The following ZNF469 variants were observed in gnomAD, a reference collection of about 807,000 sequenced individuals.
ZNF469 encodes zinc finger protein 469.
A neutral mutation model predicts 1.0 loss-of-function variants in ZNF469; 1 was observed. That is an observed-to-expected ratio of 1.00 (90% CI 0.35 to 4.73). The LOEUF (loss-of-function observed/expected upper bound fraction) is 4.73, where lower values mean the gene tolerates loss of function less well. ZNF469 is among the 30% of genes most tolerant of loss of function. The pLI is 0.16. For synonymous variants in ZNF469, 2,703 were observed against 2,363.4 expected (o/e 1.14, Z -4.17); for missense variants, 6,100 against 5,356.3 (o/e 1.14, Z -4.33).
At chr16:88,380,452 G>C (rs1313105843), upstream of ZNF469, among the ~76,000 whole-genome samples, 9 of 102,812 alleles carry the variant, frequency 8.8e-5, no homozygotes, top group African/African-American at 2.9e-4. Context: ...GTCACACACA[G>C]ACATGCACAC....
chr16:88,422,160 G>A lies in ZNF469; in HGVS notation c.-191-2647G>A, dbSNP rs543447143. On this transcript the variant is annotated intron_variant, in intron 1 of 2. Coordinates refer to ENST00000565624, the MANE Select transcript of ZNF469 (RefSeq NM_001367624.2). ...GATGGGTGAACGGGTGGGTGGATGG[G>A]CAGGTGGATGGGCAGGAGGATGGGG... 1.1e-3 allele frequency among the ~76,000 whole-genome samples: 158 copies of A among 148,908 alleles called. 2 individuals are homozygous for A. The highest frequency in any genetic ancestry group is 3.8e-3 in the African/African-American group (155 of 40,372).
chr16:88,409,321 C>T (rs1021116074), intron 1 of ZNF469, among the ~76,000 whole-genome samples: 4 of 152,340 alleles, frequency 2.6e-5, no homozygotes, highest in South Asian at 4.1e-4. Context: ...ATCCTTCCCT[C>T]GGAGACACTT....
At chr16:88,215,187 A>G in the ZNF469 span, among the ~76,000 whole-genome samples, 6 of 152,056 alleles carry the variant, frequency 3.9e-5, no homozygotes, top group African/African-American at 1.4e-4. Flanking sequence ...GGAGTAGTCT[A>G]TTTGCCTTTA....
the ZNF469 span, among the ~76,000 whole-genome samples, chr16:88,114,199 C>A: frequency 6.8e-6 from 1 of 147,628 alleles, no homozygotes; most frequent in Admixed American, 6.7e-5. Flanking sequence ...AGGGACCATA[C>A]TCACTCACTG....
rs190890714 is a variant in ZNF469 at position 88,425,460 on chromosome 16, T to C, written c.-127+589T>C. ...GCTAAGCCCAGTGCAGGGCAGGAGA[T>C]GTGCAGGGCAGGAGATGTGCAGGGC... On this transcript the variant is annotated intron_variant, in intron 2 of 2. Transcript: ENST00000565624. 2.6e-3 allele frequency among the ~76,000 whole-genome samples: 343 copies of C among 134,132 alleles called. 2 individuals carry two copies. Among genetic ancestry groups the C allele is most frequent in the African/African-American group, 0.011 (325 of 30,294 alleles). The allele number at this position is 134,132 out of a possible 152,430, so 88.0% of individuals were successfully genotyped here.
the ZNF469 span, among the ~76,000 whole-genome samples, chr16:88,111,529 C>T: frequency 6.6e-6 from 1 of 152,216 alleles, no homozygotes; most frequent in Non-Finnish European, 1.5e-5. Flanking sequence ...ACATCCCCCC[C>T]ACTTCCCTTC....
In ZNF469 at chr16:88,439,079, C is replaced by G; in HGVS notation, c.11609C>G (p.Pro3870Arg). The change falls in exon 3 of 3, where the codon CCC becomes CGC. Residue 3870 changes from proline to arginine, a missense_variant. Transcript: ENST00000565624. Reference sequence around the variant, plus strand: ...CCCAAGCCCAACAGCCAGAACAAACCCAGGCCGCCACCATCAGAGCAGCGG... The same window carrying G: ...CCCAAGCCCAACAGCCAGAACAAACGCAGGCCGCCACCATCAGAGCAGCGG... ...TKPKPNSQNK[P>R]RPPPSEQRKA... 6.4e-7 allele frequency: 1 copy of G among 1,550,860 alleles called. No individual in the cohort carries two copies. The highest frequency in any genetic ancestry group is 8.7e-7 in the Non-Finnish European group (1 of 1,146,976).
At chr16:88,423,585 C>A (rs1462000778) in intron 1 of ZNF469, among the ~76,000 whole-genome samples, 1 of 152,196 alleles carries the variant, frequency 6.6e-6, no homozygotes, top group African/African-American at 2.4e-5. Flanking sequence ...AGGATGCAGG[C>A]ACAGCCTAGC....
At chr16:88,404,139 T>TA (rs1366147777) in intron 1 of ZNF469, among the ~76,000 whole-genome samples, 1 of 152,118 alleles carries the variant, frequency 6.6e-6, no homozygotes, top group African/African-American at 2.4e-5. Context: ...TGGACCTTTT[T>TA]AAACATATAC....
chr16:88,146,811 C>A, the ZNF469 span, among the ~76,000 whole-genome samples: 1 of 152,014 alleles, frequency 6.6e-6, no homozygotes, highest in African/African-American at 2.4e-5. Flanking sequence ...CACGGGGCTT[C>A]CAGGATGGAA....
chr16:88,354,130 A>C, the ZNF469 span, among the ~76,000 whole-genome samples: 1 of 152,348 alleles, frequency 6.6e-6, no homozygotes, highest in African/African-American at 2.4e-5. Context: ...CTGTGGACTC[A>C]GTGGCTAGGT....
the ZNF469 span, among the ~76,000 whole-genome samples, chr16:88,255,477 T>C: frequency 6.6e-6 from 1 of 152,230 alleles, no homozygotes; most frequent in African/African-American, 2.4e-5. Flanking sequence ...CACAGCAACA[T>C]TGAGCAGAAG....
At chr16:88,217,767 G>A in the ZNF469 span, among the ~76,000 whole-genome samples, 2 of 94,522 alleles carry the variant, frequency 2.1e-5, no homozygotes, top group East Asian at 3.0e-4. Flanking sequence ...CAAAGGACAT[G>A]AACTCATCAT....
the ZNF469 span, among the ~76,000 whole-genome samples, chr16:88,246,439 A>T: frequency 6.6e-6 from 1 of 152,136 alleles, no homozygotes; most frequent in African/African-American, 2.4e-5. Flanking sequence ...GGATTCCCAG[A>T]TGAGGGGAGA....
intron 1 of ZNF469, among the ~76,000 whole-genome samples, chr16:88,397,798 A>T (rs1904734483): frequency 6.6e-6 from 1 of 152,078 alleles, no homozygotes; most frequent in Admixed American, 6.6e-5. Context: ...AATGTTGGAA[A>T]TCCCCTCCCT....
the ZNF469 span, among the ~76,000 whole-genome samples, chr16:88,245,035 C>A: frequency 6.6e-6 from 1 of 151,996 alleles, no homozygotes; most frequent in Non-Finnish European, 1.5e-5. Flanking sequence ...CACTCCTGAG[C>A]AGCAGGACAC....
At chr16:88,361,520 A>G in the ZNF469 span, among the ~76,000 whole-genome samples, 4 of 151,968 alleles carry the variant, frequency 2.6e-5, no homozygotes, top group Non-Finnish European at 5.9e-5. Flanking sequence ...CCATTTGGAT[A>G]TCTTCCTTTG....
the ZNF469 span, chr16:88,195,125 G>A: frequency 1.3e-5 from 2 of 152,204 alleles, no homozygotes; most frequent in African/African-American, 4.8e-5. Context: ...CGGCTCTCTG[G>A]TCGCAAGCCG....
chr16:88,361,708 T>C, the ZNF469 span, among the ~76,000 whole-genome samples: 1 of 152,120 alleles, frequency 6.6e-6, no homozygotes, highest in Admixed American at 6.5e-5. Flanking sequence ...CTTTTTTTTT[T>C]CGTTGAAATC....
Sources: allele counts gnomAD v4.1 joint callset (sites outside exome capture counted in the v4.1 genomes callset), GRCh38; gene constraint gnomAD v4.1.1; transcripts MANE v1.5; gene names NCBI Gene and HGNC (gene_info 2026-07-23, HGNC 2026-07-21).